The following THSD7B variants were observed in gnomAD, a reference collection of about 807,000 sequenced individuals.
The protein encoded by THSD7B is thrombospondin type 1 domain containing 7B.
In THSD7B, 138 loss-of-function variants were observed where a neutral mutation model predicts 213.6. The ratio of observed to expected loss-of-function variants is 0.65; its 90% CI spans 0.56 to 0.74. The LOEUF is 0.74. THSD7B is among the 30% of genes least tolerant of loss of function. The pLI, the probability that THSD7B is intolerant of heterozygous loss-of-function variation, is 0.00. For synonymous variants in THSD7B, 742 were observed against 687.0 expected (o/e 1.08, Z -1.25); for missense variants, 1,931 against 1,991.5 (o/e 0.97, Z 0.58).
At chr2:137,483,449 T>C (rs1688351781) in intron 15 of THSD7B, among the ~76,000 whole-genome samples, 1 of 152,226 alleles carries the variant, frequency 6.6e-6, no homozygotes, top group Non-Finnish European at 1.5e-5. Context: ...TAATTCCACA[T>C]GCAATGTTTG....
chr2:136,951,498 T>G (rs1685038050), intron 2 of THSD7B, among the ~76,000 whole-genome samples: 1 of 152,152 alleles, frequency 6.6e-6, no homozygotes, highest in African/African-American at 2.4e-5. Context: ...GGGGGAAAAA[T>G]AGCAAATGTC....
At chr2:137,212,561 A>G (rs547117030) in intron 7 of THSD7B, among the ~76,000 whole-genome samples, 1 of 152,168 alleles carries the variant, frequency 6.6e-6, no homozygotes, top group South Asian at 2.1e-4. Context: ...CTGAATTGGG[A>G]CTAATTGGCT....
chr2:137,470,448 A>G lies in THSD7B; in HGVS notation c.3138+19425A>G, dbSNP rs530342059. On this transcript the variant is annotated intron_variant, in intron 15 of 27. Coordinates refer to ENST00000409968, the MANE Select transcript of THSD7B (RefSeq NM_001316349.2). ...CTTTCCCGTGGATGAAAACAAACAA[A>G]CAAAAAACACTGGGAAGTATGAATG... Among the ~76,000 whole-genome samples, 13 of 152,336 alleles carry G rather than the reference A, an allele frequency of 8.5e-5. No homozygotes were observed. The South Asian group carries it at 2.5e-3, about 29-fold the overall frequency.
At chr2:137,133,202 C>T (rs957866823) in intron 5 of THSD7B, among the ~76,000 whole-genome samples, 2 of 152,146 alleles carry the variant, frequency 1.3e-5, no homozygotes, top group African/African-American at 4.8e-5. Context: ...GGTTTGTTTT[C>T]TCTTTCCACT....
intron 16 of THSD7B, among the ~76,000 whole-genome samples, chr2:137,567,562 G>A (rs1245222401): frequency 6.6e-6 from 1 of 152,088 alleles, no homozygotes; most frequent in East Asian, 1.9e-4. Context: ...GGTTGGAATC[G>A]ATTTAGTAAA....
At chr2:137,278,761 G>T (rs1404703398) in intron 12 of THSD7B, among the ~76,000 whole-genome samples, 2 of 152,234 alleles carry the variant, frequency 1.3e-5, no homozygotes, top group East Asian at 3.9e-4. Flanking sequence ...GGACCTGTCA[G>T]GTTTGACCTG....
At chr2:137,316,568 G>A (rs2104872104) in intron 12 of THSD7B, among the ~76,000 whole-genome samples, 1 of 152,198 alleles carries the variant, frequency 6.6e-6, no homozygotes. Context: ...GAGGTCAAGA[G>A]ATCGAGACCA....
At chr2:137,587,670 T>C (rs192521745) in intron 17 of THSD7B, among the ~76,000 whole-genome samples, 29 of 152,292 alleles carry the variant, frequency 1.9e-4, no homozygotes, top group Admixed American at 1.3e-3. Flanking sequence ...GAACAGCAAA[T>C]GTTGCTGTCT....
intron 10 of THSD7B, among the ~76,000 whole-genome samples, chr2:137,248,764 C>T (rs1218747806): frequency 6.6e-6 from 1 of 152,170 alleles, no homozygotes; most frequent in Non-Finnish European, 1.5e-5. Flanking sequence ...GCCTGGAACA[C>T]TGGCCCAAAA....
At chr2:137,147,467 T>TAA (rs70975801) in intron 5 of THSD7B, among the ~76,000 whole-genome samples, 26 of 145,054 alleles carry the variant, frequency 1.8e-4, no homozygotes, top group South Asian at 1.5e-3. Flanking sequence ...CTCCTTCCTT[T>TAA]AAAAAAAAAA....
chr2:137,408,576 T>C (rs1417561259), intron 13 of THSD7B, among the ~76,000 whole-genome samples: 1 of 152,214 alleles, frequency 6.6e-6, no homozygotes, highest in Non-Finnish European at 1.5e-5. Flanking sequence ...ACAAATCCTA[T>C]TGTTGTAACA....
intron 1 of THSD7B, among the ~76,000 whole-genome samples, chr2:136,816,008 C>T: frequency 6.6e-6 from 1 of 152,144 alleles, no homozygotes; most frequent in East Asian, 1.9e-4. Flanking sequence ...CCTCAGTCTC[C>T]TGAGTAGCTG....
chr2:137,465,752 T>A (rs1488253094), intron 15 of THSD7B, among the ~76,000 whole-genome samples: 2 of 152,148 alleles, frequency 1.3e-5, no homozygotes, highest in African/African-American at 4.8e-5. Flanking sequence ...CCAGTAGCAC[T>A]CTGGCTTCAT....
chr2:136,818,650 C>G (rs1418889934), intron 1 of THSD7B, among the ~76,000 whole-genome samples: 2 of 152,124 alleles, frequency 1.3e-5, no homozygotes, highest in Non-Finnish European at 1.5e-5. Context: ...TGACTATAGT[C>G]CCTTGCTTCT....
intron 12 of THSD7B, among the ~76,000 whole-genome samples, chr2:137,377,774 G>A (rs912306089): frequency 1.3e-5 from 2 of 151,912 alleles, no homozygotes; most frequent in South Asian, 2.1e-4. Flanking sequence ...TTACAGGCAT[G>A]AACCACCATG....
At chr2:137,347,621 G>A (rs1157099698) in intron 12 of THSD7B, among the ~76,000 whole-genome samples, 1 of 149,886 alleles carries the variant, frequency 6.7e-6, no homozygotes, top group African/African-American at 2.5e-5. Flanking sequence ...GAGATACTGG[G>A]CTTACTTTGC....
At chr2:137,480,944 C>T (rs1191217351) in intron 15 of THSD7B, among the ~76,000 whole-genome samples, 1 of 152,344 alleles carries the variant, frequency 6.6e-6, no homozygotes, top group East Asian at 1.9e-4. Context: ...TATTAAGAGA[C>T]AAGGCCTCTT....
At chr2:136,937,339 C>T (rs538178357) in intron 2 of THSD7B, among the ~76,000 whole-genome samples, 12 of 151,978 alleles carry the variant, frequency 7.9e-5, no homozygotes, top group Admixed American at 2.0e-4. Context: ...CCCCGCCACC[C>T]GCTGTTCTAC....
At chr2:137,665,361 T>C (rs1683426520) in intron 26 of THSD7B, among the ~76,000 whole-genome samples, 1 of 152,122 alleles carries the variant, frequency 6.6e-6, no homozygotes, top group African/African-American at 2.4e-5. Flanking sequence ...TGTGAGTATA[T>C]GTGTGTGTGT....
Sources: gnomAD v4.1 joint callset for allele counts (sites outside exome capture counted in the v4.1 genomes callset) on GRCh38, gnomAD v4.1.1 for gene constraint, MANE v1.5 for transcripts, NCBI Gene and HGNC (gene_info 2026-07-23, HGNC 2026-07-21) for gene names.